EFR3B: variants seen among roughly 807,000 people sequenced by gnomAD.
The protein encoded by EFR3B is protein EFR3 homolog B.
A neutral mutation model predicts 104.7 loss-of-function variants in EFR3B; 64 were observed. The ratio of observed to expected loss-of-function variants is 0.61; its 90% confidence interval spans 0.50 to 0.75. The LOEUF is 0.75. Among genes scored for constraint, EFR3B ranks in the 30% least tolerant of loss-of-function variants. The probability of loss-of-function intolerance (pLI) is 0.00; values close to 1 mark genes in which losing one functional copy is unlikely to be tolerated. For synonymous variants in EFR3B, 385 were observed against 417.9 expected, an observed-to-expected ratio of 0.92 and a Z score of 0.96; for missense variants, 750 against 1,078.5, an observed-to-expected ratio of 0.70 and a Z score of 4.27.
At chr2:25,127,517 A>C (rs1234023639) in intron 5 of EFR3B, among the ~76,000 whole-genome samples, 2 of 152,172 alleles carry the variant, frequency 1.3e-5, no homozygotes, top group Non-Finnish European at 2.9e-5. Context: ...ATACTTTTCT[A>C]TGATTAGTAT....
intron 4 of EFR3B, among the ~76,000 whole-genome samples, chr2:25,117,467 C>T (rs2149198641): frequency 6.8e-6 from 1 of 146,666 alleles, no homozygotes; most frequent in African/African-American, 2.5e-5. Context: ...GGCTGGAGTG[C>T]AATGGTGCAA....
At chr2:25,149,818 C>A in intron 20 of EFR3B, 76 bp downstream of exon 20, 1 of 1,304,784 alleles carries the variant, frequency 7.7e-7, no homozygotes. Flanking sequence ...GCAGATGCAG[C>A]AGGACACACC....
At chr2:25,121,377 G>A (rs969663745) in intron 4 of EFR3B, among the ~76,000 whole-genome samples, 4 of 152,200 alleles carry the variant, frequency 2.6e-5, no homozygotes, top group African/African-American at 7.2e-5. Context: ...AGCTCTGGAT[G>A]GAGCGATGAG....
At chr2:25,149,646 T>C (rs1558622037) in intron 19 of EFR3B, 48 bp from the exon 20 acceptor site, 2 of 1,544,344 alleles carry the variant, frequency 1.3e-6, no homozygotes, top group Non-Finnish European at 1.8e-6. Flanking sequence ...GGCTGCCTCC[T>C]TTCTCTGCCC....
intron 4 of EFR3B, among the ~76,000 whole-genome samples, chr2:25,111,578 A>G (rs1669726666): frequency 6.6e-6 from 1 of 152,202 alleles, no homozygotes; most frequent in Admixed American, 6.5e-5. Flanking sequence ...ATGCCACCTT[A>G]TATGACAAAA....
At chr2:25,144,852 A>G (rs1476602652) in intron 18 of EFR3B, 108 bp from the exon 19 acceptor site, 1 of 872,596 alleles carries the variant, frequency 1.1e-6, no homozygotes. Context: ...TGAGCCTTAG[A>G]GGACTGTGGA....
chr2:25,094,262 GAGAC>G (rs1391116921), intron 3 of EFR3B, among the ~76,000 whole-genome samples: 1 of 111,426 alleles, frequency 9.0e-6, no homozygotes, highest in Non-Finnish European at 1.6e-5. Context: ...TCTAGCCTGG[GAGAC>G]AGATTGAGAC....
chr2:25,093,167 G>T, intron 3 of EFR3B, 37 bp downstream of exon 3: 1 of 1,547,670 alleles, frequency 6.5e-7, no homozygotes. Context: ...AGATTGTCAG[G>T]AACTATATTG....
rs930077829 is a variant in EFR3B at position 25,154,283 on chromosome 2, G to A, written c.2397G>A (p.Pro799=). The change falls in exon 23 of 23, where the codon CCG becomes CCA. Residue 799 remains proline, a synonymous_variant. Coordinates refer to ENST00000403714, the MANE Select transcript of EFR3B (RefSeq NM_014971.2). The surrounding 1 kb of genome is among the most constrained non-coding windows in gnomAD (Gnocchi z 4.1). ...CCATCACTGCAGCCTACGGTCAGCC[G>A]CAGAACCACTCCATCCCCGTCTATG... ...SGTITAAYGQ[P]QNHSIPVYEM... is the part of the protein sequence containing the mutation. 9.7e-6 allele frequency: 15 copies of A among 1,551,832 alleles called. No individual in the cohort carries two copies. Among genetic ancestry groups the A allele is most frequent in the Admixed American group, 5.9e-5 (3 of 50,986 alleles).
At chr2:25,123,860 T>C (rs1233989294) in intron 5 of EFR3B, among the ~76,000 whole-genome samples, 2 of 152,226 alleles carry the variant, frequency 1.3e-5, no homozygotes, top group East Asian at 3.9e-4. Context: ...GTGTGTGATG[T>C]GGTCAGCACT....
At chr2:25,067,840 T>C (rs573218783) in intron 1 of EFR3B, among the ~76,000 whole-genome samples, 2 of 152,116 alleles carry the variant, frequency 1.3e-5, no homozygotes, top group Non-Finnish European at 1.5e-5. Context: ...GTTAAAACTT[T>C]TTTTTCTTTT....
intron 17 of EFR3B, among the ~76,000 whole-genome samples, chr2:25,141,917 T>C (rs559590802): frequency 1.3e-5 from 2 of 152,276 alleles, no homozygotes; most frequent in South Asian, 4.1e-4. Flanking sequence ...TAGAAGAATA[T>C]TTAATGTAAA....
chr2:25,126,716 G>A (rs1182987599), intron 5 of EFR3B, among the ~76,000 whole-genome samples: 2 of 151,626 alleles, frequency 1.3e-5, no homozygotes, highest in Non-Finnish European at 2.9e-5. Context: ...GGCTGGTCTC[G>A]AACTCCTGAG....
At chr2:25,046,506 C>CTTTTTTTTTTTTTTTTTTTTTTT (rs531667109) in intron 1 of EFR3B, among the ~76,000 whole-genome samples, 3 of 119,110 alleles carry the variant, frequency 2.5e-5, no homozygotes, top group South Asian at 3.1e-4. Context: ...AGTACAAAGT[C>CTTTTTTTTTTTTTTTTTTTTTTT]TTTTTTTTTT....
intron 1 of EFR3B, among the ~76,000 whole-genome samples, chr2:25,083,242 G>T (rs116451703): frequency 6.6e-6 from 1 of 152,176 alleles, no homozygotes; most frequent in Non-Finnish European, 1.5e-5. Flanking sequence ...GGTTGGATCT[G>T]CCAGACACGA....
rs1669795187 is a variant in EFR3B at position 25,114,034 on chromosome 2, G to A, written c.364-7639G>A. ...TAGCACTACACTGCCTCTTTAAGAG[G>A]GAAAAGGGCTTACTCGCTCTAAAAC... is the stretch of plus-strand genomic sequence containing the variant. On this transcript the variant is annotated intron_variant, in intron 4 of 22. Coordinates refer to ENST00000403714, the MANE Select transcript of EFR3B (RefSeq NM_014971.2). This position sits in a 1 kb window ranked among gnomAD's most constrained non-coding sequence, Gnocchi z 4.0. Among the ~76,000 whole-genome samples the A allele has an allele frequency of 6.6e-6, 1 of 152,072 alleles. No homozygotes were observed. The highest frequency in any genetic ancestry group is 6.6e-5 in the Admixed American group (1 of 15,260).
At position 25,155,158 on chromosome 2, in the gene EFR3B, G is replaced by C. The variant is rs1671126784; in HGVS notation, c.*818G>C. On this transcript the variant is annotated 3_prime_UTR_variant, in exon 23 of 23. Coordinates refer to ENST00000403714, the MANE Select transcript of EFR3B (RefSeq NM_014971.2). ...TTCTGAGGGTCCCAAGGTGTTCCTG[G>C]AGCTTCTGGGTTGAGGAAAGGCAGA... 6.6e-6 allele frequency: 1 copy of C among 152,216 alleles called. No homozygotes were observed. Among genetic ancestry groups the C allele is most frequent in the East Asian group, 1.9e-4 (1 of 5,194 alleles). 9.4% of individuals were successfully genotyped at this position (152,216 alleles called of 1,614,324 possible).
At chr2:25,068,294 CA>C (rs1484272181) in intron 1 of EFR3B, among the ~76,000 whole-genome samples, 1 of 152,114 alleles carries the variant, frequency 6.6e-6, no homozygotes, top group Non-Finnish European at 1.5e-5. Flanking sequence ...TTCCACTCCC[CA>C]CACTGAGGAG....
intron 3 of EFR3B, among the ~76,000 whole-genome samples, chr2:25,093,497 CAAAAAAAGAAA>C (rs1669193023): frequency 6.7e-6 from 1 of 148,850 alleles, no homozygotes. Flanking sequence ...GATTTTGTCT[CAAAAAAAGAAA>C]AAAAAAAGAA....
Sources: allele counts gnomAD v4.1 joint callset (sites outside exome capture counted in the v4.1 genomes callset), GRCh38; gene constraint gnomAD v4.1.1; non-coding constraint Gnocchi (gnomAD v3.1); transcripts MANE v1.5; gene names NCBI Gene and HGNC (gene_info 2026-07-23, HGNC 2026-07-21).